Variants in TOLLIP observed in about 807,000 individuals in gnomAD.
The protein encoded by TOLLIP is toll interacting protein, also known as toll-interacting protein.
Under a neutral mutation model 33.5 loss-of-function variants are expected in TOLLIP, and 16 were observed. The ratio of observed to expected loss-of-function variants is 0.48; its 90% CI spans 0.32 to 0.72. The LOEUF (loss-of-function observed/expected upper bound fraction) is 0.72, where lower values mean the gene tolerates loss of function less well. TOLLIP is among the 30% of genes least tolerant of loss of function. TOLLIP has a pLI of 0.03. For missense variants in TOLLIP, 325 were observed against 396.6 expected (o/e 0.82, Z 1.53); for synonymous variants, 176 against 163.7 (o/e 1.07, Z -0.57).
At chr11:1,294,949 G>A (rs1455242356) in intron 2 of TOLLIP, among the ~76,000 whole-genome samples, 2 of 26,314 alleles carry the variant, frequency 7.6e-5, no homozygotes, top group African/African-American at 2.7e-4. Flanking sequence ...ACGAAAGCCC[G>A]CGTGGCTCAC....
At chr11:1,302,177 C>G (rs1222393718) in intron 1 of TOLLIP, among the ~76,000 whole-genome samples, 1 of 152,258 alleles carries the variant, frequency 6.6e-6, no homozygotes, top group African/African-American at 2.4e-5. Context: ...ATGGCCCATC[C>G]ACCCGATGCC....
intron 2 of TOLLIP, among the ~76,000 whole-genome samples, chr11:1,292,979 T>C (rs1346060104): frequency 6.6e-6 from 1 of 152,154 alleles, no homozygotes; most frequent in African/African-American, 2.4e-5. Flanking sequence ...GGCAGGACAG[T>C]GCCCACGAGA....
Position 1,286,093 on chromosome 11 carries a change from C to A in TOLLIP, c.520-1G>T. The A allele has an allele frequency of 6.3e-7, 1 of 1,592,944 alleles. No individual in the cohort carries two copies. The highest frequency in any genetic ancestry group is 8.5e-7 in the Non-Finnish European group (1 of 1,170,912). On this transcript the variant is annotated splice_acceptor_variant, in intron 4 of 5. Coordinates refer to ENST00000317204, the MANE Select transcript of TOLLIP (RefSeq NM_019009.4). LOFTEE classifies it high-confidence loss of function. ...GCATCACCATGGCAGCTGGAAGCAG[C>A]TGAAACACAGCGGAGATGGTCCCGG...
Position 1,288,549 on chromosome 11 carries a change from T to C in TOLLIP, c.519+75A>G, listed in dbSNP as rs1590215368. Reference sequence around the variant, plus strand: ...TGCCTCCAGGAAAGAGACAAGGGTGTCTGTGGGGCGGCATAGCCCCGACGT... The same window carrying C: ...TGCCTCCAGGAAAGAGACAAGGGTGCCTGTGGGGCGGCATAGCCCCGACGT... On this transcript the variant is annotated intron_variant, in intron 4 of 5. Coordinates refer to ENST00000317204, the MANE Select transcript of TOLLIP (RefSeq NM_019009.4). The C allele has an allele frequency of 1.7e-5, 25 of 1,491,372 alleles. No individual in the cohort carries two copies. In the East Asian group the frequency reaches 5.9e-4, roughly 35 times the overall value. The allele number at this position is 1,491,372 out of a possible 1,614,324, so 92.4% of individuals were successfully genotyped here. A position where few individuals can be genotyped will look rare whatever the true frequency, so the allele number is the denominator to read the frequency against.
rs766331271 is a variant in TOLLIP at position 1,295,687 on chromosome 11, G to A, written c.141C>T (p.Gly47=). 29 of 1,608,192 alleles carry A rather than the reference G, an allele frequency of 1.8e-5. No homozygotes were observed. Among genetic ancestry groups the A allele is most frequent in the East Asian group, 1.6e-4 (7 of 44,736 alleles). The change falls in exon 2 of 6, where the codon GGC becomes GGT. Residue 47 remains glycine (G), a synonymous_variant. Coordinates refer to ENST00000317204, the MANE Select transcript of TOLLIP (RefSeq NM_019009.4). ...AQAAQQLQYG[G]AVGTVGRLNI... is the part of the protein sequence containing the mutation. The stretch of plus-strand genomic sequence containing the variant: ...TCAGTCGGCCCACGGTGCCCACTGC[G>A]CCTCCGTACTGCAGCTGCTGGGCCG...
chr11:1,277,395 C>G lies in TOLLIP; in HGVS notation c.611-142G>C, dbSNP rs911683344. The G allele has an allele frequency of 1.6e-6, 1 of 624,176 alleles. No homozygotes were observed. Among genetic ancestry groups the G allele is most frequent in the Non-Finnish European group, 2.6e-6 (1 of 388,022 alleles). 38.7% of individuals were successfully genotyped at this position (624,176 alleles called of 1,614,324 possible). On this transcript the variant is annotated intron_variant, in intron 5 of 5. Transcript: ENST00000317204. The surrounding 1 kb of genome is among the most constrained non-coding windows in gnomAD (Gnocchi z 4.2). ...CTCGGGTCTCAGCAAACACCAGTCC[C>G]GCAAGACACCCTGGAAAGGCAAACC...
chr11:1,286,180 C>T, intron 4 of TOLLIP, 88 bp from the exon 5 acceptor site: 1 of 985,294 alleles, frequency 1.0e-6, no homozygotes, highest in Non-Finnish European at 1.5e-6. Context: ...AATTGCCCTC[C>T]CCACGCCAGC....
rs1863338267 is a variant in TOLLIP at position 1,277,184 on chromosome 11, G to A, written c.680C>T (p.Pro227Leu). Residue 227 changes from proline to leucine, a missense_variant, in exon 6 of 6, where the codon CCC becomes CTC. Physicochemically the swap from Pro to Leu is moderately conservative, Grantham distance 98. Coordinates refer to ENST00000317204, the MANE Select transcript of TOLLIP (RefSeq NM_019009.4). This position sits in a 1 kb window ranked among gnomAD's most constrained non-coding sequence, Gnocchi z 4.2. ...TTTCAGGTCCTCCTCGCTACAGCGG[G>A]GCTGGGCGTTCACGGCGGCCGGGGG... Reference protein sequence around the residue: ...ALPPAAVNAQPRCSEEDLKAI... With the variant: ...ALPPAAVNAQLRCSEEDLKAI... 6.2e-7 allele frequency: 1 copy of A among 1,605,798 alleles called. No individual in the cohort carries two copies. Among genetic ancestry groups the A allele is most frequent in the South Asian group, 1.1e-5 (1 of 90,812 alleles).
intron 5 of TOLLIP, among the ~76,000 whole-genome samples, chr11:1,280,781 G>A (rs1049705743): frequency 1.3e-5 from 2 of 152,130 alleles, no homozygotes; most frequent in South Asian, 2.1e-4. Flanking sequence ...CAGCGCGGCC[G>A]GCACCACCTT....
In TOLLIP at chr11:1,275,923, ATTAT is replaced by A. The variant is rs1202319807; in HGVS notation, c.*1112_*1115del. 8.5e-5 allele frequency: 13 copies of A among 152,220 alleles called. No homozygotes were observed. The highest frequency in any genetic ancestry group is 2.4e-5 in the African/African-American group (1 of 41,448). 9.4% of individuals were successfully genotyped at this position (152,220 alleles called of 1,614,324 possible). A position where few individuals can be genotyped will look rare whatever the true frequency, so the allele number is the denominator to read the frequency against. ...ATGCAGGTGTCTCAATGGCATGCAG[ATTAT>A]TTAAAGTGCATCACTTGTGAGAAGC... is the stretch of plus-strand genomic sequence containing the variant. On this transcript the variant is annotated 3_prime_UTR_variant, in exon 6 of 6. Transcript: ENST00000317204.
In TOLLIP at chr11:1,276,607, C is replaced by A. The variant is rs1432605488; in HGVS notation, c.*432G>T. The A allele has an allele frequency of 3.3e-6, 4 of 1,219,566 alleles. No individual in the cohort carries two copies. Among genetic ancestry groups the A allele is most frequent in the Non-Finnish European group, 4.3e-6 (4 of 930,356 alleles). 75.5% of individuals were successfully genotyped at this position (1,219,566 alleles called of 1,614,324 possible). A position where few individuals can be genotyped will look rare whatever the true frequency, so the allele number is the denominator to read the frequency against. On this transcript the variant is annotated 3_prime_UTR_variant, in exon 6 of 6. Coordinates refer to ENST00000317204, the MANE Select transcript of TOLLIP (RefSeq NM_019009.4). ...TTCGTCTGGGAAGTTCTAAAAAAAA[C>A]CCACAGTGTGAGGGATTGTGTGTGC...
At chr11:1,280,330 G>A (rs1003623473) in intron 5 of TOLLIP, among the ~76,000 whole-genome samples, 4 of 152,208 alleles carry the variant, frequency 2.6e-5, no homozygotes, top group Non-Finnish European at 5.9e-5. Context: ...CCGCGTGCAC[G>A]TTCTCTATGG....
intron 1 of TOLLIP, among the ~76,000 whole-genome samples, chr11:1,298,807 G>A (rs976935394): frequency 2.0e-5 from 3 of 152,232 alleles, no homozygotes; most frequent in South Asian, 2.1e-4. Context: ...GATGACACAC[G>A]CCTCACATCT....
At chr11:1,293,985 C>T (rs1233256194) in intron 2 of TOLLIP, among the ~76,000 whole-genome samples, 2 of 152,272 alleles carry the variant, frequency 1.3e-5, no homozygotes, top group South Asian at 2.1e-4. Context: ...CACCATGAAG[C>T]CCCTGAAAGC....
intron 1 of TOLLIP, among the ~76,000 whole-genome samples, chr11:1,301,051 T>A (rs1864261345): frequency 6.6e-6 from 1 of 152,266 alleles, no homozygotes; most frequent in Non-Finnish European, 1.5e-5. Flanking sequence ...TCGAACGAAG[T>A]TCAATTAAAA....
At position 1,275,675 on chromosome 11, in the gene TOLLIP, G is replaced by A. The variant is rs1176961083; in HGVS notation, c.*1364C>T. 1.3e-5 allele frequency: 2 copies of A among 152,158 alleles called. No homozygotes were observed. Among genetic ancestry groups the A allele is most frequent in the Non-Finnish European group, 2.9e-5 (2 of 68,034 alleles). The allele number at this position is 152,158 out of a possible 1,614,324, so 9.4% of individuals were successfully genotyped here. A position where few individuals can be genotyped will look rare whatever the true frequency, so the allele number is the denominator to read the frequency against. ...ATAAATATTTATCAACAGTATATTTGACAAAAACCACCCCCAATCGATGGC... is the reference window on the plus strand; with the variant it reads ...ATAAATATTTATCAACAGTATATTTAACAAAAACCACCCCCAATCGATGGC... On this transcript the variant is annotated 3_prime_UTR_variant, in exon 6 of 6. Coordinates refer to ENST00000317204, the MANE Select transcript of TOLLIP (RefSeq NM_019009.4).
Position 1,278,219 on chromosome 11 carries a change from G to C in TOLLIP, c.611-966C>G, listed in dbSNP as rs1863374819. Reference sequence around the variant, plus strand: ...AGCGACCAGTGAGGCACAGAGCACAGGCAGCGTGCGCGGGGCTCGGCGACC... The same window carrying C: ...AGCGACCAGTGAGGCACAGAGCACACGCAGCGTGCGCGGGGCTCGGCGACC... On this transcript the variant is annotated intron_variant, in intron 5 of 5. Coordinates refer to ENST00000317204, the MANE Select transcript of TOLLIP (RefSeq NM_019009.4). The surrounding 1 kb of genome is among the most constrained non-coding windows in gnomAD (Gnocchi z 4.7). Among the ~76,000 whole-genome samples the C allele has an allele frequency of 1.3e-5, 2 of 151,472 alleles. No individual in the cohort carries two copies. Among genetic ancestry groups the C allele is most frequent in the Admixed American group, 6.6e-5 (1 of 15,256 alleles).
intron 5 of TOLLIP, among the ~76,000 whole-genome samples, chr11:1,284,493 C>T (rs1319355824): frequency 1.3e-5 from 2 of 152,118 alleles, no homozygotes; most frequent in Non-Finnish European, 2.9e-5. Flanking sequence ...GGACTACAGG[C>T]GCCCACCACC....
chr11:1,289,411 T>G (rs1250511213), intron 3 of TOLLIP, among the ~76,000 whole-genome samples: 2 of 152,174 alleles, frequency 1.3e-5, no homozygotes, highest in Non-Finnish European at 2.9e-5. Context: ...AGGACCACAC[T>G]GAGCAGCAGC....
Sources: allele counts gnomAD v4.1 joint callset (sites outside exome capture counted in the v4.1 genomes callset), GRCh38; gene constraint gnomAD v4.1.1; non-coding constraint Gnocchi (gnomAD v3.1); transcripts MANE v1.5; gene names NCBI Gene and HGNC (gene_info 2026-07-23, HGNC 2026-07-21).